ATG7: variants seen among roughly 807,000 people sequenced by gnomAD.
The protein encoded by ATG7 is autophagy related 7, also known as ubiquitin-like modifier-activating enzyme ATG7.
ATG7 carries 70 observed loss-of-function variants against 82.4 expected under a neutral mutation model. The ratio of observed to expected loss-of-function variants is 0.85; its 90% CI spans 0.70 to 1.04. ATG7 has a LOEUF of 1.04. Among genes scored for constraint, ATG7 ranks in the 50% least tolerant of loss-of-function variants. ATG7 has a pLI of 0.00. For synonymous variants in ATG7, 287 were observed against 313.0 expected, an observed-to-expected ratio of 0.92 and a Z score of 0.88; for missense variants, 792 against 864.3, an observed-to-expected ratio of 0.92 and a Z score of 1.05.
At chr3:11,489,502 T>G (rs2153045137) in intron 20 of ATG7, among the ~76,000 whole-genome samples, 1 of 148,494 alleles carries the variant, frequency 6.7e-6, no homozygotes. Flanking sequence ...CTTTAGTTAT[T>G]TCTTGCCTTC....
intron 5 of ATG7, 43 bp from the exon 6 acceptor site, chr3:11,306,899 GA>G (rs752405667): frequency 1.3e-6 from 2 of 1,511,260 alleles, no homozygotes; most frequent in East Asian, 4.5e-5. Context: ...CTCCCTGGCT[GA>G]GTCCCAGCTG....
Position 11,508,922 on chromosome 3 carries a change from A to C in ATG7, c.2080-45889A>C, listed in dbSNP as rs554446636. ...TAATAACAAATTAATAACAAATTAG[A>C]TCTCTGCTCCTGTTACCAATGACCA... On this transcript the variant is annotated intron_variant, in intron 20 of 20. Coordinates refer to ENST00000693202, the MANE Select transcript of ATG7 (RefSeq NM_001349232.2). Among the ~76,000 whole-genome samples, 3 of 152,352 alleles carry C rather than the reference A, an allele frequency of 2.0e-5. No homozygotes were observed. The East Asian group carries it at 5.8e-4, about 29-fold the overall frequency.
intron 20 of ATG7, among the ~76,000 whole-genome samples, chr3:11,545,805 C>T (rs939044153): frequency 6.6e-6 from 1 of 152,232 alleles, no homozygotes; most frequent in African/African-American, 2.4e-5. Flanking sequence ...CACCCCCTGG[C>T]AGTGCTCAGT....
chr3:11,426,913 C>T lies in ATG7; in HGVS notation c.2066C>T (p.Thr689Ile). The change falls in exon 20 of 21, where the codon ACC (threonine) becomes ATC (isoleucine). Residue 689 changes from threonine to isoleucine, a missense_variant. Thr to Ile is a moderately conservative substitution (Grantham distance 89). Transcript: ENST00000693202. ...LTGLTLLHQE[T>I]QAAEIWDMSD... ...GGTCTTACATTGCTGCATCAAGAAA[C>T]CCAAGCTGCTGAGGTAAGAACAAAA... The T allele has an allele frequency of 6.2e-7, 1 of 1,603,368 alleles. No individual in the cohort carries two copies. Among genetic ancestry groups the T allele is most frequent in the Non-Finnish European group, 8.5e-7 (1 of 1,176,154 alleles).
At chr3:11,320,067 G>T (rs534780038) in intron 9 of ATG7, among the ~76,000 whole-genome samples, 2 of 152,270 alleles carry the variant, frequency 1.3e-5, no homozygotes, top group South Asian at 4.1e-4. Context: ...GCCCCTGTGG[G>T]CATCCAGCCC....
At chr3:11,529,302 T>C (rs2092648188) in intron 20 of ATG7, among the ~76,000 whole-genome samples, 2 of 152,294 alleles carry the variant, frequency 1.3e-5, no homozygotes, top group African/African-American at 4.8e-5. Flanking sequence ...AGATCATTGA[T>C]TGGGAGGAAA....
chr3:11,558,846 G>A (rs1336691812), downstream of ATG7: 2 of 1,608,108 alleles, frequency 1.2e-6, no homozygotes, highest in East Asian at 4.5e-5. Flanking sequence ...AAGCAGGAAG[G>A]CAGGCAGTCA....
intron 20 of ATG7, among the ~76,000 whole-genome samples, chr3:11,473,010 C>G (rs1424052236): frequency 6.6e-6 from 1 of 151,994 alleles, no homozygotes; most frequent in Non-Finnish European, 1.5e-5. Context: ...TTTTTTGTAA[C>G]TAATCAATGA....
chr3:11,409,934 T>C (rs1012476274), intron 19 of ATG7, among the ~76,000 whole-genome samples: 27 of 152,316 alleles, frequency 1.8e-4, no homozygotes, highest in Non-Finnish European at 3.8e-4. Flanking sequence ...GATATATTTT[T>C]TTATTCTTTC....
intron 3 of ATG7, among the ~76,000 whole-genome samples, chr3:11,296,409 A>C (rs1945923882): frequency 6.6e-6 from 1 of 151,988 alleles, no homozygotes; most frequent in Non-Finnish European, 1.5e-5. Flanking sequence ...ATACCAAGTT[A>C]GGTCACCTTT....
At chr3:11,486,785 A>G (rs1052108295) in intron 20 of ATG7, among the ~76,000 whole-genome samples, 6 of 143,172 alleles carry the variant, frequency 4.2e-5, no homozygotes, top group Non-Finnish European at 6.1e-5. Flanking sequence ...TTTTGCATCT[A>G]TTGAGATAAT....
intron 20 of ATG7, among the ~76,000 whole-genome samples, chr3:11,550,980 C>T (rs982494207): frequency 1.3e-5 from 2 of 151,926 alleles, no homozygotes; most frequent in Admixed American, 6.6e-5. Context: ...TTCTAACATG[C>T]GGGGTAAGGC....
At chr3:11,365,540 C>G (rs1458539093) in intron 18 of ATG7, among the ~76,000 whole-genome samples, 1 of 152,030 alleles carries the variant, frequency 6.6e-6, no homozygotes, top group African/African-American at 2.4e-5. Context: ...TGTATGTATC[C>G]TCTCCTGTAA....
At chr3:11,339,420 G>C (rs1265220281) in intron 11 of ATG7, among the ~76,000 whole-genome samples, 3 of 151,982 alleles carry the variant, frequency 2.0e-5, no homozygotes, top group Non-Finnish European at 4.4e-5. Flanking sequence ...AGAGTCTGTT[G>C]CTTAAGGCAG....
At chr3:11,541,090 C>G (rs112332243) in intron 20 of ATG7, among the ~76,000 whole-genome samples, 1 of 152,020 alleles carries the variant, frequency 6.6e-6, no homozygotes, top group Non-Finnish European at 1.5e-5. Context: ...TTAGTAGAGA[C>G]GGGGTTTCAC....
intron 18 of ATG7, among the ~76,000 whole-genome samples, chr3:11,366,002 G>A (rs992492717): frequency 6.6e-6 from 1 of 151,954 alleles, no homozygotes; most frequent in South Asian, 2.1e-4. Context: ...GGTGGATCAC[G>A]AGGAGAGGAG....
At chr3:11,561,885 G>A (rs959994711), downstream of ATG7, among the ~76,000 whole-genome samples, 11 of 121,688 alleles carry the variant, frequency 9.0e-5, 1 homozygote, top group African/African-American at 2.8e-4. Context: ...GGCTGGCTGC[G>A]CCAAACTTTT....
the ATG7 span, among the ~76,000 whole-genome samples, chr3:11,563,158 G>T: frequency 6.6e-6 from 1 of 150,382 alleles, no homozygotes; most frequent in African/African-American, 2.4e-5. Flanking sequence ...GGCAGAGATA[G>T]CTTGTAAGGC....
intron 18 of ATG7, among the ~76,000 whole-genome samples, chr3:11,377,634 C>T (rs1251621904): frequency 6.6e-6 from 1 of 152,154 alleles, no homozygotes; most frequent in African/African-American, 2.4e-5. Context: ...ATGCAGAAAC[C>T]TTTCCATGAA....
Sources: allele counts gnomAD v4.1 joint callset (sites outside exome capture counted in the v4.1 genomes callset), GRCh38; gene constraint gnomAD v4.1.1; transcripts MANE v1.5; gene names NCBI Gene and HGNC (gene_info 2026-07-23, HGNC 2026-07-21).